Variants in SCARB1 observed in about 807,000 individuals in gnomAD.
SCARB1 encodes the protein CD36 and LIMPII analogous 1.
Under a neutral mutation model 57.2 loss-of-function variants are expected in SCARB1, and 30 were observed. That is an observed-to-expected ratio of 0.52 (90% CI 0.39 to 0.71). The LOEUF is 0.71. SCARB1 is among the 30% of genes least tolerant of loss of function. SCARB1 has a pLI of 0.00. For missense variants in SCARB1, 543 were observed against 671.2 expected, an observed-to-expected ratio of 0.81 and a Z score of 2.11; for synonymous variants, 249 against 268.3, an observed-to-expected ratio of 0.93 and a Z score of 0.70.
At chr12:124,859,339 A>G (rs1952783441) in intron 1 of SCARB1, among the ~76,000 whole-genome samples, 1 of 152,184 alleles carries the variant, frequency 6.6e-6, no homozygotes. Flanking sequence ...CATCCCGGCT[A>G]ACACGGTGAA....
intron 11 of SCARB1, 139 bp from the exon 12 acceptor site, chr12:124,782,950 C>T (rs1229183036): frequency 1.2e-6 from 1 of 838,896 alleles, no homozygotes. Context: ...TCAACGATTG[C>T]AGGTGGCTGA....
At chr12:124,809,198 G>A (rs1950435654) in intron 6 of SCARB1, among the ~76,000 whole-genome samples, 1 of 152,096 alleles carries the variant, frequency 6.6e-6, no homozygotes, top group Non-Finnish European at 1.5e-5. Flanking sequence ...AGAAGAGGGG[G>A]TGGGGGGCTT....
intron 12 of SCARB1, among the ~76,000 whole-genome samples, chr12:124,779,198 C>T (rs1272797154): frequency 6.6e-6 from 1 of 152,216 alleles, no homozygotes; most frequent in African/African-American, 2.4e-5. Flanking sequence ...ATCCTCTCAC[C>T]TCAGCCTCCC....
chr12:124,863,466 C>T, intron 1 of SCARB1, 129 bp downstream of exon 1: 1 of 964,528 alleles, frequency 1.0e-6, no homozygotes, highest in East Asian at 3.1e-5. Context: ...CCCTCGTGCT[C>T]TGCGGCGCCA....
Position 124,796,413 on chromosome 12 carries a change from TAAG to T in SCARB1, c.1129-1148_1129-1146del, listed in dbSNP as rs1949945999. On this transcript the variant is annotated intron_variant, in intron 8 of 12. Transcript: ENST00000261693. The surrounding 1 kb of genome is among the most constrained non-coding windows in gnomAD (Gnocchi z 4.0). The stretch of plus-strand genomic sequence containing the variant: ...CTCTTTTTAACGAGACTTTTTTTTT[TAAG>T]TAAATAACCGAAGTGACACACATGT... Among the ~76,000 whole-genome samples, 2 of 152,034 alleles carry T rather than the reference TAAG, an allele frequency of 1.3e-5. No homozygotes were observed. The highest frequency in any genetic ancestry group is 4.2e-4 in the South Asian group (2 of 4,808).
intron 1 of SCARB1, among the ~76,000 whole-genome samples, chr12:124,859,263 C>T (rs1952780649): frequency 6.6e-6 from 1 of 152,282 alleles, no homozygotes; most frequent in Non-Finnish European, 1.5e-5. Flanking sequence ...CATGGTGGCT[C>T]ACGCCTGTAA....
rs1195239789 is a variant in SCARB1 at position 124,863,742 on chromosome 12, C to A, written c.-22G>T. 6.9e-7 allele frequency: 1 copy of A among 1,441,012 alleles called. No individual in the cohort carries two copies. The highest frequency in any genetic ancestry group is 9.1e-7 in the Non-Finnish European group (1 of 1,096,122). 89.3% of individuals were successfully genotyped at this position (1,441,012 alleles called of 1,614,324 possible). On this transcript the variant is annotated 5_prime_UTR_variant, in exon 1 of 13. Coordinates refer to ENST00000261693, the MANE Select transcript of SCARB1 (RefSeq NM_005505.5). ...CCATGTCTGCGCGCCTGGGGCCCAC[C>A]CGCGGCTCGCAGGGCTCCGCGCCTG...
intron 9 of SCARB1, among the ~76,000 whole-genome samples, chr12:124,787,721 TTTC>T (rs386767300): frequency 0.06 from 9,054 of 152,140 alleles, 410 homozygotes; most frequent in African/African-American, 0.13. Flanking sequence ...TGTTTTTTTT[TTTC>T]TTTAGTTGAC....
At chr12:124,809,895 A>G (rs371164982) in intron 6 of SCARB1, among the ~76,000 whole-genome samples, 50 of 152,184 alleles carry the variant, frequency 3.3e-4, no homozygotes, top group African/African-American at 1.2e-3. Flanking sequence ...CCTCCATTTT[A>G]TGGCCCCCTG....
At chr12:124,792,079 G>A (rs1213022186) in intron 9 of SCARB1, among the ~76,000 whole-genome samples, 2 of 152,136 alleles carry the variant, frequency 1.3e-5, no homozygotes, top group Non-Finnish European at 2.9e-5. Context: ...GAAACACGAT[G>A]GGGAGACAAC....
intron 1 of SCARB1, among the ~76,000 whole-genome samples, chr12:124,824,175 CA>C (rs35297518): frequency 0.68 from 73,409 of 108,160 alleles, 22,848 homozygotes; most frequent in Non-Finnish European, 0.77. Context: ...GATTTCATCT[CA>C]AAAAAAAAAA....
chr12:124,863,745 CGGCTCGCAGGGCTCCGCGCCTG>C lies in SCARB1; in HGVS notation c.-47_-26del, dbSNP rs751064555. On this transcript the variant is annotated 5_prime_UTR_variant, in exon 1 of 13. Transcript: ENST00000261693. ...TGTCTGCGCGCCTGGGGCCCACCCG[CGGCTCGCAGGGCTCCGCGCCTG>C]GCAGGAGACGGGGACGGCGACAGAG... 1 of 1,436,710 alleles carries C rather than the reference CGGCTCGCAGGGCTCCGCGCCTG, an allele frequency of 7.0e-7. No homozygotes were observed. The highest frequency in any genetic ancestry group is 1.5e-5 in the African/African-American group (1 of 66,848). 89.0% of individuals were successfully genotyped at this position (1,436,710 alleles called of 1,614,324 possible). A position where few individuals can be genotyped will look rare whatever the true frequency, so the allele number is the denominator to read the frequency against.
chr12:124,842,725 T>C (rs1324393426), intron 1 of SCARB1, among the ~76,000 whole-genome samples: 3 of 152,168 alleles, frequency 2.0e-5, no homozygotes, highest in Admixed American at 2.0e-4. Flanking sequence ...CCTAGAGGTG[T>C]GCCCCACGAC....
chr12:124,794,632 TAAAAA>T (rs1227754024), intron 9 of SCARB1, among the ~76,000 whole-genome samples: 2 of 151,418 alleles, frequency 1.3e-5, no homozygotes, highest in African/African-American at 4.9e-5. Flanking sequence ...GGGTGAATGT[TAAAAA>T]AGAAAAGTGA....
At chr12:124,855,205 G>T (rs1433406682) in intron 1 of SCARB1, among the ~76,000 whole-genome samples, 1 of 152,200 alleles carries the variant, frequency 6.6e-6, no homozygotes, top group Non-Finnish European at 1.5e-5. Context: ...ACAAGGTCAG[G>T]CCCCTCCCGT....
At chr12:124,852,565 C>T (rs1952460125) in intron 1 of SCARB1, among the ~76,000 whole-genome samples, 1 of 152,254 alleles carries the variant, frequency 6.6e-6, no homozygotes. Context: ...TGGGGCCTCT[C>T]TGCCTTAGCC....
At chr12:124,841,731 A>G (rs2135789691) in intron 1 of SCARB1, among the ~76,000 whole-genome samples, 1 of 152,108 alleles carries the variant, frequency 6.6e-6, no homozygotes, top group African/African-American at 2.4e-5. Context: ...TCCCCAGCTC[A>G]TAGAGCCCCT....
Position 124,789,353 on chromosome 12 carries a change from G to A in SCARB1, c.1203-1896C>T, listed in dbSNP as rs972401247. Among the ~76,000 whole-genome samples the A allele has an allele frequency of 1.2e-4, 18 of 152,204 alleles. No individual in the cohort carries two copies. Among genetic ancestry groups the A allele is most frequent in the Admixed American group, 5.9e-4 (9 of 15,286 alleles). ...ACCAGTGCTTCTCAAAAGTGTCACT[G>A]TCATCAAAATGAAGGAGAGATGAGA... On this transcript the variant is annotated intron_variant, in intron 9 of 12. Transcript: ENST00000261693. The surrounding 1 kb of genome is among the most constrained non-coding windows in gnomAD (Gnocchi z 4.4).
intron 1 of SCARB1, among the ~76,000 whole-genome samples, chr12:124,859,455 C>T (rs960222955): frequency 1.2e-4 from 19 of 152,114 alleles, no homozygotes; most frequent in Non-Finnish European, 2.5e-4. Context: ...GGTGTGAACC[C>T]AGGAGGCAGA....
Sources: gnomAD v4.1 joint callset for allele counts (sites outside exome capture counted in the v4.1 genomes callset) on GRCh38, gnomAD v4.1.1 for gene constraint, Gnocchi (gnomAD v3.1) non-coding constraint, MANE v1.5 for transcripts, NCBI Gene and HGNC (gene_info 2026-07-23, HGNC 2026-07-21) for gene names.